Variants in PDGFA observed in about 807,000 individuals in gnomAD.
PDGFA encodes the protein platelet derived growth factor subunit A, also known as platelet-derived growth factor subunit A.
PDGFA carries 9 observed loss-of-function variants against 25.6 expected under a neutral mutation model. The observed-to-expected ratio is 0.35, with a 90% CI of 0.21 to 0.61. The LOEUF is 0.61. PDGFA is among the 20% of genes least tolerant of loss of function. The probability of loss-of-function intolerance (pLI) is 0.75; values close to 1 mark genes in which losing one functional copy is unlikely to be tolerated. For synonymous variants in PDGFA, 133 were observed against 111.8 expected (o/e 1.19, Z -1.20); for missense variants, 242 against 272.8 (o/e 0.89, Z 0.79).
At chr7:507,772 G>A (rs1344285530) in intron 4 of PDGFA, among the ~76,000 whole-genome samples, 2 of 152,218 alleles carry the variant, frequency 1.3e-5, no homozygotes, top group Non-Finnish European at 2.9e-5. Flanking sequence ...CCCCAGGGAG[G>A]CACACAGGAC....
chr7:516,355 A>C (rs559141192), intron 2 of PDGFA, among the ~76,000 whole-genome samples: 1 of 152,088 alleles, frequency 6.6e-6, no homozygotes, highest in Admixed American at 6.5e-5. Context: ...CAAATTTCCA[A>C]ATGACTAGAC....
Position 500,820 on chromosome 7 carries a change from C to T in PDGFA, c.580+296G>A, listed in dbSNP as rs554664584. 1,484 of 1,479,562 alleles carry T rather than the reference C, an allele frequency of 1.0e-3. 28 individuals are homozygous for T. In the South Asian group the frequency reaches 0.018, roughly 18 times the overall value. 91.7% of individuals were successfully genotyped at this position (1,479,562 alleles called of 1,614,324 possible). A position where few individuals can be genotyped will look rare whatever the true frequency, so the allele number is the denominator to read the frequency against. On this transcript the variant is annotated intron_variant, in intron 5 of 5. Transcript: ENST00000402802. The surrounding 1 kb of genome is among the most constrained non-coding windows in gnomAD (Gnocchi z 5.0). ...CTGCAGATTCTTCTCAGCTCAGCCC[C>T]GCAGCCCACTAATGAATTGGGTGTC... is the stretch of plus-strand genomic sequence containing the variant.
In PDGFA at chr7:516,106, A is replaced by G. The variant is rs567656908; in HGVS notation, c.160+1288T>C. Among the ~76,000 whole-genome samples the G allele has an allele frequency of 1.2e-4, 14 of 118,714 alleles. No individual in the cohort carries two copies. In the South Asian group the frequency reaches 4.1e-3, roughly 34 times the overall value. 77.9% of individuals were successfully genotyped at this position (118,714 alleles called of 152,430 possible). On this transcript the variant is annotated intron_variant, in intron 2 of 5. Coordinates refer to ENST00000402802, the Ensembl canonical transcript of PDGFA. ...AGATTCAGGCAAGGGATTCCCCCCC[A>G]CAAACCAGAGCCAGATCCTTTTCCC...
intron 4 of PDGFA, among the ~76,000 whole-genome samples, chr7:503,128 C>T (rs1782421529): frequency 1.3e-5 from 2 of 152,172 alleles, no homozygotes. Flanking sequence ...CCTCCATTTA[C>T]AGAACAAACT....
Position 500,921 on chromosome 7 carries a change from C to T in PDGFA, c.580+195G>A, listed in dbSNP as rs1322466230. The T allele has an allele frequency of 6.3e-7, 1 of 1,588,774 alleles. No homozygotes were observed. The highest frequency in any genetic ancestry group is 8.5e-7 in the Non-Finnish European group (1 of 1,174,822). On this transcript the variant is annotated intron_variant, in intron 5 of 5. Transcript: ENST00000402802. The surrounding 1 kb of genome is among the most constrained non-coding windows in gnomAD (Gnocchi z 5.0). The stretch of plus-strand genomic sequence containing the variant: ...GTGCCGCAGCTTGGGCCACCCTCCC[C>T]ACCGGACACCTGCAGGTGTGGGATC...
exon 6 of PDGFA, chr7:497,953 A>AAC (rs1782143567): frequency 8.7e-6 from 1 of 115,110 alleles, no homozygotes; most frequent in Non-Finnish European, 1.8e-5. Context: ...AAAAAAAAAA[A>AAC]AAAAACAAAA....
At chr7:511,533 G>A (rs1315140928) in intron 3 of PDGFA, among the ~76,000 whole-genome samples, 1 of 152,192 alleles carries the variant, frequency 6.6e-6, no homozygotes, top group Non-Finnish European at 1.5e-5. Flanking sequence ...AATGTCACCT[G>A]GGGAGGGCCT....
In PDGFA at chr7:517,488, T is replaced by G. The variant is rs1383450384; in HGVS notation, c.66A>C (p.Glu22Asp). ...CGATCACCTCGCGGGGGATCTCGGC[T>G]TCCTGCAAGCAGAGGCCACACGGTC... is the stretch of plus-strand genomic sequence containing the variant. The change falls in exon 2 of 6, where the codon GAA becomes GAC. Residue 22 changes from glutamate to aspartate, a missense_variant and splice_region_variant. Transcript: ENST00000402802. This position sits in a 1 kb window ranked among gnomAD's most constrained non-coding sequence, Gnocchi z 7.4. 7.6e-7 allele frequency: 1 copy of G among 1,316,196 alleles called. No homozygotes were observed. The highest frequency in any genetic ancestry group is 1.8e-5 in the South Asian group (1 of 55,350). 81.5% of individuals were successfully genotyped at this position (1,316,196 alleles called of 1,614,324 possible). A position where few individuals can be genotyped will look rare whatever the true frequency, so the allele number is the denominator to read the frequency against.
At chr7:518,101 G>A (rs1185791823) in intron 1 of PDGFA, among the ~76,000 whole-genome samples, 1 of 152,104 alleles carries the variant, frequency 6.6e-6, no homozygotes, top group Non-Finnish European at 1.5e-5. Context: ...CGACTAAGAC[G>A]CCCAAATCCA....
intron 3 of PDGFA, among the ~76,000 whole-genome samples, 146 bp downstream of exon 3, chr7:512,185 CAGGGCCAGGCCTATTTTAGG>C (rs1782882362): frequency 1.3e-5 from 2 of 152,198 alleles, no homozygotes; most frequent in Admixed American, 1.3e-4. Context: ...CCAGAGGCAC[CAGGGCCAGGCCTATTTTAGG>C]GAGGAGGGAA....
intron 4 of PDGFA, among the ~76,000 whole-genome samples, chr7:509,310 G>C (rs1782697636): frequency 2.0e-5 from 3 of 152,174 alleles, no homozygotes; most frequent in South Asian, 4.2e-4. Context: ...TTTTTTCTTA[G>C]AGACGGAGTC....
At chr7:504,764 T>C (rs1264443554) in intron 4 of PDGFA, among the ~76,000 whole-genome samples, 2 of 152,168 alleles carry the variant, frequency 1.3e-5, no homozygotes, top group Non-Finnish European at 2.9e-5. Context: ...CAGCCTCACC[T>C]AGTTCCCTCG....
At chr7:504,897 G>A (rs965105805) in intron 4 of PDGFA, among the ~76,000 whole-genome samples, 20 of 152,322 alleles carry the variant, frequency 1.3e-4, no homozygotes, top group African/African-American at 4.3e-4. Context: ...CCGCGGGCGC[G>A]TGGGCTCCCA....
Position 519,096 on chromosome 7 carries a change from C to CT in PDGFA, c.-96dup. 10 of 917,770 alleles carry CT rather than the reference C, an allele frequency of 1.1e-5. No homozygotes were observed. The South Asian group carries it at 1.6e-4, about 15-fold the overall frequency. 56.9% of individuals were successfully genotyped at this position (917,770 alleles called of 1,614,324 possible). ...GTGGCGGCGAAATTCAGTACCATCC[C>CT]TTAGGGAGCGCGGCCCGGAGGAGGG... is the stretch of plus-strand genomic sequence containing the variant. On this transcript the variant is annotated 5_prime_UTR_variant, in exon 1 of 6. Transcript: ENST00000402802.
chr7:517,349 C>T lies in PDGFA; in HGVS notation c.160+45G>A. 5.0e-6 allele frequency: 5 copies of T among 1,008,258 alleles called. No individual in the cohort carries two copies. Among genetic ancestry groups the T allele is most frequent in the Non-Finnish European group, 2.7e-6 (2 of 752,980 alleles). 62.5% of individuals were successfully genotyped at this position (1,008,258 alleles called of 1,614,324 possible). On this transcript the variant is annotated intron_variant, in intron 2 of 5. Transcript: ENST00000402802. This position sits in a 1 kb window ranked among gnomAD's most constrained non-coding sequence, Gnocchi z 7.4. ...CCCCAGCTCGGGGCGCACAGGCCGC[C>T]CGCCCGCGCCCTCCCCGCGCGCGGA...
intron 4 of PDGFA, among the ~76,000 whole-genome samples, chr7:509,366 A>T (rs977078002): frequency 7.9e-5 from 12 of 152,086 alleles, no homozygotes; most frequent in African/African-American, 2.9e-4. Flanking sequence ...ATCACAGCTC[A>T]CTGCAGCCTC....
At position 501,104 on chromosome 7, in the gene PDGFA, G is replaced by C. The variant is rs1800814; in HGVS notation, c.580+12C>G. 6.2e-7 allele frequency: 1 copy of C among 1,613,956 alleles called. No individual in the cohort carries two copies. Among genetic ancestry groups the C allele is most frequent in the Non-Finnish European group, 8.5e-7 (1 of 1,179,992 alleles). ...TTCTCCAACACCGATGCCGACGAAG[G>C]CAGCCACTCACCCGTGTCCTCTTCC... On this transcript the variant is annotated intron_variant, in intron 5 of 5. Transcript: ENST00000402802.
intron 4 of PDGFA, among the ~76,000 whole-genome samples, chr7:507,710 C>T (rs538554651): frequency 6.6e-5 from 10 of 152,310 alleles, no homozygotes; most frequent in African/African-American, 2.2e-4. Flanking sequence ...ACAAGGGCCT[C>T]CAAAATATAA....
At position 517,374 on chromosome 7, in the gene PDGFA, A is replaced by G. The variant is rs1191387336; in HGVS notation, c.160+20T>C. The G allele has an allele frequency of 1.6e-6, 2 of 1,259,260 alleles. No individual in the cohort carries two copies. The highest frequency in any genetic ancestry group is 1.6e-5 in the African/African-American group (1 of 63,078). 78.0% of individuals were successfully genotyped at this position (1,259,260 alleles called of 1,614,324 possible). A position where few individuals can be genotyped will look rare whatever the true frequency, so the allele number is the denominator to read the frequency against. ...CCGCCCGCGCCCTCCCCGCGCGCGG[A>G]GGGAAGGGGCGCGATTTACCTACGG... On this transcript the variant is annotated intron_variant, in intron 2 of 5. Coordinates refer to ENST00000402802, the Ensembl canonical transcript of PDGFA. The surrounding 1 kb of genome is among the most constrained non-coding windows in gnomAD (Gnocchi z 7.4).
Sources: allele counts gnomAD v4.1 joint callset (sites outside exome capture counted in the v4.1 genomes callset), GRCh38; gene constraint gnomAD v4.1.1; non-coding constraint Gnocchi (gnomAD v3.1); transcripts MANE v1.5; gene names NCBI Gene and HGNC (gene_info 2026-07-23, HGNC 2026-07-21).